Variants in CSMD3 observed in about 807,000 individuals in gnomAD.
CSMD3 encodes CUB and Sushi multiple domains 3.
A neutral mutation model predicts 435.2 loss-of-function variants in CSMD3; 177 were observed. The ratio of observed to expected loss-of-function variants is 0.41; its 90% confidence interval spans 0.36 to 0.46. The LOEUF is 0.46. CSMD3 is among the 20% of genes least tolerant of loss of function. CSMD3 has a pLI of 0.34. For missense variants in CSMD3, 4,265 were observed against 4,504.6 expected (o/e 0.95, Z 1.52); for synonymous variants, 1,656 against 1,520.5 (o/e 1.09, Z -2.07).
intron 4 of CSMD3, among the ~76,000 whole-genome samples, chr8:113,113,283 G>A (rs1006108592): frequency 6.6e-6 from 1 of 152,064 alleles, no homozygotes; most frequent in African/African-American, 2.4e-5. Flanking sequence ...GTCATATTAG[G>A]AGCAGTAATT....
chr8:112,775,681 TA>T (rs1417192940), intron 13 of CSMD3, among the ~76,000 whole-genome samples: 2 of 151,834 alleles, frequency 1.3e-5, no homozygotes, highest in Non-Finnish European at 2.9e-5. Context: ...TGTGACAAAC[TA>T]AAAATAAAAG....
chr8:113,330,192 A>C (rs1012274086), intron 1 of CSMD3, among the ~76,000 whole-genome samples: 1 of 152,100 alleles, frequency 6.6e-6, no homozygotes, highest in African/African-American at 2.4e-5. Context: ...AGGGAATGAA[A>C]GCACATTGCT....
intron 3 of CSMD3, among the ~76,000 whole-genome samples, chr8:113,217,031 C>T (rs548692497): frequency 3.3e-5 from 5 of 151,666 alleles, no homozygotes; most frequent in African/African-American, 1.2e-4. Flanking sequence ...CAAATCCAGT[C>T]GTAATAAATA....
chr8:112,816,057 G>A (rs1254304492), intron 12 of CSMD3, among the ~76,000 whole-genome samples: 2 of 152,028 alleles, frequency 1.3e-5, no homozygotes, highest in Non-Finnish European at 2.9e-5. Flanking sequence ...AAAATCCCTA[G>A]GTGGGACTAC....
intron 13 of CSMD3, among the ~76,000 whole-genome samples, chr8:112,713,794 T>C (rs185503885): frequency 2.5e-4 from 38 of 152,254 alleles, no homozygotes; most frequent in Admixed American, 5.9e-4. Flanking sequence ...AAAGGAATTT[T>C]CAACCCAGAA....
At position 112,671,303 on chromosome 8, in the gene CSMD3, T is replaced by G. The variant is rs2075650560; in HGVS notation, c.2678-4888A>C. Among the ~76,000 whole-genome samples the G allele has an allele frequency of 2.0e-5, 3 of 152,042 alleles. No homozygotes were observed. In the South Asian group the frequency reaches 6.2e-4, roughly 32 times the overall value. ...CATTTTCTCCCAGCCTCTTACTAGTTTTATGACCCAGGAATGTCTTTTTCA... is the reference window on the plus strand; with the variant it reads ...CATTTTCTCCCAGCCTCTTACTAGTGTTATGACCCAGGAATGTCTTTTTCA... On this transcript the variant is annotated intron_variant, in intron 16 of 70. Transcript: ENST00000297405.
At chr8:112,913,806 G>C (rs931221240) in intron 10 of CSMD3, among the ~76,000 whole-genome samples, 1 of 150,688 alleles carries the variant, frequency 6.6e-6, no homozygotes, top group Non-Finnish European at 1.5e-5. Flanking sequence ...CTTTCTTTCT[G>C]TCCTTTTTGA....
At chr8:112,942,250 A>T (rs1417796318) in intron 9 of CSMD3, among the ~76,000 whole-genome samples, 1 of 151,612 alleles carries the variant, frequency 6.6e-6, no homozygotes, top group African/African-American at 2.4e-5. Flanking sequence ...AAAAAAAAAA[A>T]AACTGTCAAC....
chr8:112,755,509 C>T (rs1295750400), intron 13 of CSMD3, among the ~76,000 whole-genome samples: 1 of 151,280 alleles, frequency 6.6e-6, no homozygotes, highest in Non-Finnish European at 1.5e-5. Flanking sequence ...AGTTTGCTTC[C>T]CCTTCGGCCA....
chr8:113,172,246 C>T (rs959968285), intron 4 of CSMD3, among the ~76,000 whole-genome samples: 1 of 152,078 alleles, frequency 6.6e-6, no homozygotes, highest in Non-Finnish European at 1.5e-5. Context: ...TTGATGTTTA[C>T]CAGCTGAGTA....
intron 1 of CSMD3, among the ~76,000 whole-genome samples, chr8:113,357,217 A>G (rs978381314): frequency 1.3e-5 from 2 of 152,220 alleles, no homozygotes; most frequent in Non-Finnish European, 1.5e-5. Context: ...TGCAATAAGC[A>G]TTTGCTTTGG....
At chr8:112,364,018 T>C (rs1297903836) in intron 38 of CSMD3, among the ~76,000 whole-genome samples, 1 of 151,996 alleles carries the variant, frequency 6.6e-6, no homozygotes, top group African/African-American at 2.4e-5. Flanking sequence ...TAATCAATTA[T>C]ATAATTAGCT....
At chr8:112,424,554 A>AC (rs1457088378) in intron 32 of CSMD3, among the ~76,000 whole-genome samples, 1 of 152,216 alleles carries the variant, frequency 6.6e-6, no homozygotes, top group Admixed American at 6.5e-5. Flanking sequence ...CTCACTAGAG[A>AC]CCAAGAATAA....
At chr8:112,903,151 CAAAAAAAAA>C (rs763330055) in intron 10 of CSMD3, among the ~76,000 whole-genome samples, 2,026 of 53,786 alleles carry the variant, frequency 0.038, 40 homozygotes, top group African/African-American at 0.14. Flanking sequence ...GCAGTCTTGG[CAAAAAAAAA>C]AAAAAAAAAA....
intron 27 of CSMD3, among the ~76,000 whole-genome samples, chr8:112,533,233 G>GA (rs140087966): frequency 4.6e-5 from 7 of 151,398 alleles, no homozygotes; most frequent in Non-Finnish European, 8.9e-5. Context: ...AAAATAACCA[G>GA]AAAAAAAAGT....
chr8:113,202,725 T>A (rs2092727680), intron 3 of CSMD3, among the ~76,000 whole-genome samples: 1 of 152,136 alleles, frequency 6.6e-6, no homozygotes, highest in African/African-American at 2.4e-5. Flanking sequence ...TTATCTTTGG[T>A]TCAAACTGCC....
intron 1 of CSMD3, among the ~76,000 whole-genome samples, chr8:113,407,282 A>T (rs2094536819): frequency 1.3e-5 from 2 of 152,100 alleles, no homozygotes; most frequent in Non-Finnish European, 2.9e-5. Flanking sequence ...ACTATGTAAA[A>T]CTTAGTTTTC....
intron 7 of CSMD3, among the ~76,000 whole-genome samples, chr8:112,962,482 A>G (rs948038833): frequency 3.2e-4 from 48 of 151,970 alleles, no homozygotes; most frequent in African/African-American, 1.1e-3. Flanking sequence ...ACAGTGGCAT[A>G]TAGTCTTCCA....
chr8:113,168,237 A>G (rs939486612), intron 4 of CSMD3, among the ~76,000 whole-genome samples: 47 of 152,086 alleles, frequency 3.1e-4, no homozygotes, highest in African/African-American at 1.1e-3. Context: ...TAAAAACTAC[A>G]GATTTTAGAC....
Sources: gnomAD v4.1 joint callset for allele counts (sites outside exome capture counted in the v4.1 genomes callset) on GRCh38, gnomAD v4.1.1 for gene constraint, MANE v1.5 for transcripts, NCBI Gene and HGNC (gene_info 2026-07-23, HGNC 2026-07-21) for gene names.